LINGO2: variants seen among roughly 807,000 people sequenced by gnomAD.
The protein encoded by LINGO2 is leucine rich repeat and Ig domain containing 2.
A neutral mutation model predicts 30.6 loss-of-function variants in LINGO2; 14 were observed. That is an observed-to-expected ratio of 0.46 (90% confidence interval 0.30 to 0.72). The LOEUF (loss-of-function observed/expected upper bound fraction) is 0.72, where lower values mean the gene tolerates loss of function less well. Among genes scored for constraint, LINGO2 ranks in the 30% least tolerant of loss-of-function variants. The pLI, the probability that LINGO2 is intolerant of heterozygous loss-of-function variation, is 0.07. For synonymous variants in LINGO2, 317 were observed against 288.5 expected (o/e 1.10, Z -1.00); for missense variants, 729 against 751.7 (o/e 0.97, Z 0.35).
At chr9:28,262,564 T>A (rs576810302) in intron 4 of LINGO2, among the ~76,000 whole-genome samples, 16 of 152,122 alleles carry the variant, frequency 1.1e-4, no homozygotes, top group African/African-American at 3.9e-4. Context: ...TGGTAAATTC[T>A]TTATTGGATT....
chr9:28,912,532 G>C, the LINGO2 span, among the ~76,000 whole-genome samples: 2 of 152,102 alleles, frequency 1.3e-5, no homozygotes, highest in African/African-American at 2.4e-5. Flanking sequence ...ATATGTGACA[G>C]TTGCCCATAG....
At chr9:28,812,927 T>C in the LINGO2 span, among the ~76,000 whole-genome samples, 58 of 152,276 alleles carry the variant, frequency 3.8e-4, no homozygotes, top group Non-Finnish European at 7.4e-4. Context: ...CAAGCACTCC[T>C]TCCAATTCCA....
intron 1 of LINGO2, among the ~76,000 whole-genome samples, chr9:28,560,556 T>G (rs966093616): frequency 6.6e-6 from 1 of 152,128 alleles, no homozygotes; most frequent in Admixed American, 6.6e-5. Flanking sequence ...GTCTTTTTTC[T>G]AAAGAATTAT....
At chr9:29,004,461 C>T in the LINGO2 span, among the ~76,000 whole-genome samples, 4 of 151,790 alleles carry the variant, frequency 2.6e-5, no homozygotes, top group Admixed American at 1.3e-4. Context: ...AAAGGAAGTA[C>T]ATTTATTGAC....
chr9:29,162,283 A>G, the LINGO2 span, among the ~76,000 whole-genome samples: 1 of 152,240 alleles, frequency 6.6e-6, no homozygotes, highest in Admixed American at 6.5e-5. Flanking sequence ...AAGAATACAA[A>G]GAAAGAAATT....
chr9:28,301,019 G>A (rs1042999555), intron 3 of LINGO2, among the ~76,000 whole-genome samples: 1 of 152,006 alleles, frequency 6.6e-6, no homozygotes, highest in African/African-American at 2.4e-5. Context: ...TATACTCTGA[G>A]TTTTCTATGA....
chr9:28,306,986 A>C (rs1299921996), intron 3 of LINGO2, among the ~76,000 whole-genome samples: 1 of 152,142 alleles, frequency 6.6e-6, no homozygotes, highest in Non-Finnish European at 1.5e-5. Flanking sequence ...TCACAGCCGA[A>C]TTCTACCAGA....
the LINGO2 span, among the ~76,000 whole-genome samples, chr9:29,100,277 T>C: frequency 4.7e-3 from 714 of 152,174 alleles, 2 homozygotes; most frequent in Admixed American, 8.5e-3. Flanking sequence ...GGGGAAGCCA[T>C]TTTAACTGGG....
intron 4 of LINGO2, among the ~76,000 whole-genome samples, chr9:28,055,266 T>C (rs1240434120): frequency 6.6e-6 from 1 of 152,160 alleles, no homozygotes; most frequent in Admixed American, 6.6e-5. Context: ...CTGATTTCCT[T>C]TTCCCTGTAG....
chr9:28,062,929 T>A (rs1825201563), intron 4 of LINGO2, among the ~76,000 whole-genome samples: 1 of 151,996 alleles, frequency 6.6e-6, no homozygotes, highest in Admixed American at 6.6e-5. Flanking sequence ...CAACCACGAA[T>A]TTACTATCTC....
chr9:29,191,149 A>G, the LINGO2 span, among the ~76,000 whole-genome samples: 1 of 152,242 alleles, frequency 6.6e-6, no homozygotes, highest in Non-Finnish European at 1.5e-5. Context: ...TTCTTAGTCA[A>G]TAAGAAAATA....
At chr9:28,885,913 G>A in the LINGO2 span, among the ~76,000 whole-genome samples, 9 of 152,062 alleles carry the variant, frequency 5.9e-5, no homozygotes, top group African/African-American at 2.2e-4. Context: ...CTTTCACTAA[G>A]GTTCCTAGAA....
the LINGO2 span, among the ~76,000 whole-genome samples, chr9:29,146,838 G>C: frequency 6.6e-6 from 1 of 152,190 alleles, no homozygotes; most frequent in Admixed American, 6.5e-5. Flanking sequence ...TTCAAATATT[G>C]GCATTTTTAA....
At chr9:27,942,975 C>G in the LINGO2 span, 1 of 152,144 alleles carries the variant, frequency 6.6e-6, no homozygotes, top group Non-Finnish European at 1.5e-5. Flanking sequence ...CAAACAGCCT[C>G]TATGCAAAGT....
chr9:28,234,302 C>A (rs56173832), intron 4 of LINGO2, among the ~76,000 whole-genome samples: 6,267 of 152,196 alleles, frequency 0.041, 178 homozygotes, highest in South Asian at 0.11. Flanking sequence ...CATGGCAGAA[C>A]CCCCGGGGAC....
chr9:29,081,088 C>T, the LINGO2 span, among the ~76,000 whole-genome samples: 2 of 152,112 alleles, frequency 1.3e-5, no homozygotes, highest in Non-Finnish European at 2.9e-5. Context: ...AGGCCAGCAT[C>T]ATCCTGATAC....
intron 1 of LINGO2, among the ~76,000 whole-genome samples, chr9:28,516,703 G>T (rs1480615885): frequency 6.6e-6 from 1 of 152,204 alleles, no homozygotes; most frequent in African/African-American, 2.4e-5. Flanking sequence ...TGTTGTTGCA[G>T]TGTTACTGAC....
chr9:28,849,188 T>A, the LINGO2 span, among the ~76,000 whole-genome samples: 1 of 151,998 alleles, frequency 6.6e-6, no homozygotes, highest in Non-Finnish European at 1.5e-5. Flanking sequence ...TGTTTAAAAC[T>A]TACACACAAC....
At chr9:28,740,853 T>A in the LINGO2 span, among the ~76,000 whole-genome samples, 24 of 152,066 alleles carry the variant, frequency 1.6e-4, no homozygotes, top group African/African-American at 5.6e-4. Flanking sequence ...TTAACCATGG[T>A]CACCATGTGT....
Sources: allele counts gnomAD v4.1 joint callset (sites outside exome capture counted in the v4.1 genomes callset), GRCh38; gene constraint gnomAD v4.1.1; transcripts MANE v1.5; gene names NCBI Gene and HGNC (gene_info 2026-07-23, HGNC 2026-07-21).